Variants in UBE2G1 observed in about 807,000 individuals in gnomAD.
UBE2G1 encodes the protein ubiquitin conjugating enzyme E2 G1, also known as ubiquitin-conjugating enzyme E2 G1.
A neutral mutation model predicts 22.7 loss-of-function variants in UBE2G1; 5 were observed. The observed-to-expected ratio is 0.22, with a 90% CI of 0.12 to 0.46. The LOEUF (loss-of-function observed/expected upper bound fraction) is 0.46. Ranked by LOEUF, UBE2G1 falls within the 20% of genes least tolerant of loss-of-function variation. UBE2G1 has a pLI of 0.99. For missense variants in UBE2G1, 88 were observed against 203.9 expected (o/e 0.43, Z 3.46); for synonymous variants, 74 against 67.5 (o/e 1.10, Z -0.47).
chr17:4,301,623 G>A (rs1969181008), intron 2 of UBE2G1: 22 of 960,950 alleles, frequency 2.3e-5, no homozygotes, highest in Non-Finnish European at 3.4e-5. Context: ...AATATGATGG[G>A]GCACAATTAC....
chr17:4,297,677 T>C (rs971761745), intron 2 of UBE2G1, among the ~76,000 whole-genome samples: 3 of 152,206 alleles, frequency 2.0e-5, no homozygotes, highest in Non-Finnish European at 4.4e-5. Context: ...TTGGAAATAC[T>C]TTTCTCCCTT....
chr17:4,353,779 G>A (rs1969873493), intron 1 of UBE2G1, among the ~76,000 whole-genome samples: 1 of 151,394 alleles, frequency 6.6e-6, no homozygotes, highest in African/African-American at 2.4e-5. Flanking sequence ...CAAAGTGCTG[G>A]GAATACAGGC....
chr17:4,300,319 G>C (rs1969161496), intron 2 of UBE2G1, among the ~76,000 whole-genome samples: 1 of 152,008 alleles, frequency 6.6e-6, no homozygotes, highest in East Asian at 1.9e-4. Flanking sequence ...GAGGCGGGCG[G>C]ATCACTTGAG....
rs34014821 is a variant in UBE2G1 at position 4,347,469 on chromosome 17, CT to C, written c.46+18801del. ...TTCGGTAATTCTCACAGTATTTCTT[CT>C]TTTTTTTTTTTTTTTTTTTTTGGAC... On this transcript the variant is annotated intron_variant, in intron 1 of 5. Transcript: ENST00000396981. 8.7e-3 allele frequency among the ~76,000 whole-genome samples: 783 copies of C among 89,502 alleles called. 1 individual carries two copies. Among genetic ancestry groups the C allele is most frequent in the South Asian group, 0.016 (37 of 2,386 alleles). The allele number at this position is 89,502 out of a possible 152,430, so 58.7% of individuals were successfully genotyped here.
intron 3 of UBE2G1, among the ~76,000 whole-genome samples, chr17:4,289,733 T>C (rs1334357261): frequency 6.6e-6 from 1 of 152,226 alleles, no homozygotes; most frequent in African/African-American, 2.4e-5. Context: ...AAATAGCAAC[T>C]ATTGGATGTG....
At chr17:4,275,627 C>T (rs1354068225) in intron 5 of UBE2G1, among the ~76,000 whole-genome samples, 3 of 152,044 alleles carry the variant, frequency 2.0e-5, no homozygotes, top group Non-Finnish European at 4.4e-5. Flanking sequence ...TAAAACAGAC[C>T]AATGTGCTCC....
chr17:4,357,420 C>T (rs1421494536), intron 1 of UBE2G1, among the ~76,000 whole-genome samples: 3 of 143,324 alleles, frequency 2.1e-5, no homozygotes, highest in African/African-American at 7.7e-5. Context: ...CAGGCATCCC[C>T]TGGAGGTCTT....
At chr17:4,287,099 CTGATTT>C (rs1968973162) in intron 4 of UBE2G1, among the ~76,000 whole-genome samples, 1 of 96,888 alleles carries the variant, frequency 1.0e-5, no homozygotes, top group African/African-American at 3.5e-5. Flanking sequence ...CTTGTCAGCT[CTGATTT>C]TTTTTTTTTT....
At chr17:4,353,249 A>T (rs1013931016) in intron 1 of UBE2G1, among the ~76,000 whole-genome samples, 2 of 152,034 alleles carry the variant, frequency 1.3e-5, no homozygotes, top group African/African-American at 4.8e-5. Flanking sequence ...AAAAACTTTG[A>T]AAGAAAAATA....
rs41408848 is a variant in UBE2G1 at position 4,272,507 on chromosome 17, A to G, written c.*47T>C. On this transcript the variant is annotated 3_prime_UTR_variant, in exon 6 of 6. Transcript: ENST00000396981. ...CAGGAAAAACAGTGCCATGTTTCTC[A>G]ATTGGAGACCTACAACAACAAAAAC... 4.0e-3 allele frequency: 751 copies of G among 186,792 alleles called. 5 individuals carry two copies. The highest frequency in any genetic ancestry group is 0.017 in the African/African-American group (701 of 41,694). The allele number at this position is 186,792 out of a possible 1,614,324, so 11.6% of individuals were successfully genotyped here.
At chr17:4,328,410 T>G (rs550437313) in intron 1 of UBE2G1, among the ~76,000 whole-genome samples, 1 of 152,330 alleles carries the variant, frequency 6.6e-6, no homozygotes, top group African/African-American at 2.4e-5. Context: ...GTTCTTCCCT[T>G]GGGTGATTTA....
intron 5 of UBE2G1, among the ~76,000 whole-genome samples, chr17:4,281,354 G>A: frequency 6.6e-6 from 1 of 152,116 alleles, no homozygotes; most frequent in South Asian, 2.1e-4. Context: ...TGCAAATTTG[G>A]TAAAATTATG....
intron 1 of UBE2G1, among the ~76,000 whole-genome samples, chr17:4,342,086 T>C (rs542335709): frequency 9.2e-5 from 14 of 152,340 alleles, no homozygotes; most frequent in African/African-American, 3.4e-4. Flanking sequence ...ACTTTATATC[T>C]CTAAGCTAAA....
At chr17:4,321,416 AT>A in intron 1 of UBE2G1, among the ~76,000 whole-genome samples, 1 of 151,936 alleles carries the variant, frequency 6.6e-6, no homozygotes, top group South Asian at 2.1e-4. Flanking sequence ...ACATATTTTT[AT>A]TCCCCCACCC....
intron 1 of UBE2G1, among the ~76,000 whole-genome samples, chr17:4,343,147 A>G (rs1969729972): frequency 1.3e-5 from 2 of 152,162 alleles, no homozygotes; most frequent in Admixed American, 1.3e-4. Flanking sequence ...ATGTACTGCT[A>G]TGTTTACAAA....
chr17:4,325,807 A>G (rs1482688033), intron 1 of UBE2G1, among the ~76,000 whole-genome samples: 1 of 152,220 alleles, frequency 6.6e-6, no homozygotes, highest in Non-Finnish European at 1.5e-5. Flanking sequence ...GCCTAGAAAT[A>G]AAACCCTTGC....
At chr17:4,287,397 T>C (rs113713430) in intron 4 of UBE2G1, among the ~76,000 whole-genome samples, 2,679 of 152,212 alleles carry the variant, frequency 0.018, 72 homozygotes, top group African/African-American at 0.061. Context: ...CCACCACGCC[T>C]GGCCAACTCT....
chr17:4,308,334 C>T (rs1369037632), intron 1 of UBE2G1, among the ~76,000 whole-genome samples: 1 of 152,052 alleles, frequency 6.6e-6, no homozygotes, highest in African/African-American at 2.4e-5. Context: ...GCCCGGGCAA[C>T]AAGGGCAAAA....
At position 4,366,321 on chromosome 17, in the gene UBE2G1, C is replaced by A; in HGVS notation, c.-5G>T. 1 of 1,543,992 alleles carries A rather than the reference C, an allele frequency of 6.5e-7. No homozygotes were observed. ...TGCCGACTGCAGCTCCGTCATCCTC[C>A]CTGCCGAGGGCCCGGGCTGGCGCCG... On this transcript the variant is annotated 5_prime_UTR_variant, in exon 1 of 6. Coordinates refer to ENST00000396981, the MANE Select transcript of UBE2G1 (RefSeq NM_003342.5).
Sources: gnomAD v4.1 joint callset for allele counts (sites outside exome capture counted in the v4.1 genomes callset) on GRCh38, gnomAD v4.1.1 for gene constraint, MANE v1.5 for transcripts, NCBI Gene and HGNC (gene_info 2026-07-23, HGNC 2026-07-21) for gene names.